DMD: variants seen among roughly 807,000 people sequenced by gnomAD.
The protein encoded by DMD is dystrophin.
A neutral mutation model predicts 330.1 loss-of-function variants in DMD; 63 were observed. That is an observed-to-expected ratio of 0.19 (90% CI 0.16 to 0.24). The LOEUF is 0.24. DMD is among the 10% of genes least tolerant of loss of function. DMD has a pLI of 1.00. For missense variants in DMD, 3,344 were observed against 2,684.1 expected, an observed-to-expected ratio of 1.25 and a Z score of -5.43; for synonymous variants, 1,223 against 959.8, an observed-to-expected ratio of 1.27 and a Z score of -5.07.
chrX:31,179,809 C>T (rs2040962974), intron 69 of DMD, among the ~76,000 whole-genome samples: 1 of 111,841 alleles, frequency 8.9e-6, no homozygotes, highest in African/African-American at 3.2e-5. Context: ...ATTATTTAAC[C>T]TCAGGACCTC....
intron 9 of DMD, among the ~76,000 whole-genome samples, chrX:32,664,025 G>C (rs912553399): frequency 9.0e-6 from 1 of 111,316 alleles, no homozygotes; most frequent in South Asian, 3.8e-4. Flanking sequence ...GCATGGGAAG[G>C]TTTTCAGCAG....
chrX:32,981,409 G>A (rs1415031822), intron 2 of DMD, among the ~76,000 whole-genome samples: 2 of 111,084 alleles, frequency 1.8e-5, no homozygotes, highest in Non-Finnish European at 3.8e-5. Context: ...AATTTTATGC[G>A]GTTCATAGCA....
chrX:32,894,888 C>A (rs1356363585), intron 2 of DMD, among the ~76,000 whole-genome samples: 1 of 112,372 alleles, frequency 8.9e-6, no homozygotes, highest in African/African-American at 3.2e-5. Flanking sequence ...GTGTCTTACT[C>A]ATTTCAGCCT....
chrX:32,497,512 T>C (rs5972586), intron 19 of DMD, among the ~76,000 whole-genome samples: 7,232 of 111,961 alleles, frequency 0.065, 312 homozygotes, highest in East Asian at 0.14. Context: ...CTAGAAATTA[T>C]GGTGAAAGGA....
chrX:32,897,844 T>G (rs1329762496), intron 2 of DMD, among the ~76,000 whole-genome samples: 1 of 101,933 alleles, frequency 9.8e-6, no homozygotes, highest in Admixed American at 1.2e-4. Flanking sequence ...TGAACTTTTC[T>G]CCACTTTCCG....
At chrX:31,341,891 G>GCGCACACACA (rs374298104) in intron 61 of DMD, among the ~76,000 whole-genome samples, 180 of 98,889 alleles carry the variant, frequency 1.8e-3, no homozygotes, top group Middle Eastern at 0.011. Context: ...GTGCGCGCGC[G>GCGCACACACA]CACACACACA....
intron 1 of DMD, among the ~76,000 whole-genome samples, chrX:33,319,632 T>C (rs761962247): frequency 1.8e-5 from 2 of 112,343 alleles, no homozygotes; most frequent in African/African-American, 3.2e-5. Flanking sequence ...ATAACCTTTA[T>C]CATCATTATC....
intron 55 of DMD, among the ~76,000 whole-genome samples, chrX:31,555,141 A>T (rs944288412): frequency 8.0e-5 from 9 of 111,872 alleles, no homozygotes; most frequent in Non-Finnish European, 1.5e-4. Flanking sequence ...AATGCTAGTA[A>T]ATGTCAAATA....
chrX:31,273,827 C>CACTT (rs1277118382), intron 62 of DMD, among the ~76,000 whole-genome samples: 5 of 111,734 alleles, frequency 4.5e-5, no homozygotes, highest in Non-Finnish European at 9.4e-5. Flanking sequence ...AGAGGTGGGT[C>CACTT]ACTTAACCCT....
intron 11 of DMD, among the ~76,000 whole-genome samples, chrX:32,632,506 C>T (rs1316264563): frequency 8.9e-6 from 1 of 112,489 alleles, no homozygotes; most frequent in Non-Finnish European, 1.9e-5. Flanking sequence ...CTGCATTGCC[C>T]CAGGAGAAGT....
intron 1 of DMD, among the ~76,000 whole-genome samples, chrX:33,183,361 A>G (rs1603396831): frequency 8.9e-6 from 1 of 111,857 alleles, no homozygotes; most frequent in Non-Finnish European, 1.9e-5. Flanking sequence ...CAGTGTTGTC[A>G]ACTAAACTCA....
chrX:32,919,343 T>G (rs2088159419), intron 2 of DMD, among the ~76,000 whole-genome samples: 1 of 112,006 alleles, frequency 8.9e-6, no homozygotes, highest in South Asian at 3.7e-4. Flanking sequence ...TATACTTTTT[T>G]GATCAGGTTG....
intron 55 of DMD, among the ~76,000 whole-genome samples, chrX:31,511,090 G>A (rs975482797): frequency 9.0e-6 from 1 of 110,861 alleles, no homozygotes; most frequent in Non-Finnish European, 1.9e-5. Flanking sequence ...CAGATAGGTT[G>A]CCCTAAAAGG....
chrX:31,984,094 C>A (rs1371169306), intron 44 of DMD, among the ~76,000 whole-genome samples: 2 of 111,866 alleles, frequency 1.8e-5, no homozygotes, highest in Admixed American at 9.5e-5. Context: ...AATAATTAAC[C>A]AAATACTTCA....
chrX:31,921,587 T>A (rs1192449986), intron 47 of DMD, among the ~76,000 whole-genome samples: 1 of 112,407 alleles, frequency 8.9e-6, no homozygotes, highest in Non-Finnish European at 1.9e-5. Context: ...AGAGATGATT[T>A]TGTGCTTGCT....
intron 43 of DMD, among the ~76,000 whole-genome samples, chrX:32,255,985 G>C (rs2097296942): frequency 9.0e-6 from 1 of 111,372 alleles, no homozygotes; most frequent in South Asian, 3.7e-4. Context: ...AAATATAACA[G>C]ATTCACGTAC....
chrX:31,373,092 C>T (rs2059683010), intron 60 of DMD, among the ~76,000 whole-genome samples: 1 of 107,537 alleles, frequency 9.3e-6, no homozygotes, highest in Non-Finnish European at 1.9e-5. Flanking sequence ...GAATAAAATA[C>T]CTAGGAATCC....
intron 1 of DMD, among the ~76,000 whole-genome samples, chrX:33,124,306 G>T (rs1171156632): frequency 9.3e-6 from 1 of 107,921 alleles, no homozygotes; most frequent in Non-Finnish European, 1.9e-5. Flanking sequence ...TGAAACCTCG[G>T]CTCTACTAAA....
chrX:32,335,963 GTA>G (rs779822868), intron 41 of DMD, among the ~76,000 whole-genome samples: 70 of 103,655 alleles, frequency 6.8e-4, no homozygotes, highest in African/African-American at 1.2e-3. Flanking sequence ...TATATAACGT[GTA>G]TATGTGTATA....
Sources: allele counts gnomAD v4.1 joint callset (sites outside exome capture counted in the v4.1 genomes callset), GRCh38; gene constraint gnomAD v4.1.1; transcripts MANE v1.5; gene names NCBI Gene and HGNC (gene_info 2026-07-23, HGNC 2026-07-21).